KLRG2: variants seen among roughly 807,000 people sequenced by gnomAD.
KLRG2 encodes killer cell lectin-like receptor subfamily G member 2.
In KLRG2, 39 loss-of-function variants were observed where a neutral mutation model predicts 35.4. The ratio of observed to expected loss-of-function variants is 1.10; its 90% CI spans 0.85 to 1.44. KLRG2 has a LOEUF of 1.44. Among genes scored for constraint, KLRG2 ranks in the 40% most tolerant of loss-of-function variants. The pLI, the probability that KLRG2 is intolerant of heterozygous loss-of-function variation, is 0.00. For missense variants in KLRG2, 632 were observed against 570.9 expected (o/e 1.11, Z -1.09); for synonymous variants, 283 against 265.8 (o/e 1.06, Z -0.63).
downstream of KLRG2, among the ~76,000 whole-genome samples, chr7:139,450,334 CTG>C (rs1796357494): frequency 6.6e-6 from 1 of 152,152 alleles, no homozygotes; most frequent in Admixed American, 6.6e-5. Flanking sequence ...CGCCATTCTC[CTG>C]TCTCAGCCTC....
chr7:139,481,395 C>A (rs754534455), intron 1 of KLRG2, among the ~76,000 whole-genome samples: 2 of 152,254 alleles, frequency 1.3e-5, no homozygotes, highest in Non-Finnish European at 2.9e-5. Flanking sequence ...ACATCAAACT[C>A]TGCAAAAGTT....
intron 3 of KLRG2, among the ~76,000 whole-genome samples, chr7:139,461,744 C>T (rs76742656): frequency 2.6e-5 from 4 of 152,068 alleles, no homozygotes; most frequent in African/African-American, 9.7e-5. Flanking sequence ...AGCTGCCCCA[C>T]CCTTATCTCC....
the KLRG2 span, among the ~76,000 whole-genome samples, chr7:139,436,340 C>G: frequency 6.6e-6 from 1 of 151,948 alleles, no homozygotes; most frequent in East Asian, 1.9e-4. Flanking sequence ...TCTAGGGAAC[C>G]CCCCCCTTCA....
intron 3 of KLRG2, among the ~76,000 whole-genome samples, chr7:139,466,761 AG>A (rs1554404153): frequency 0.018 from 2,653 of 149,504 alleles, 83 homozygotes; most frequent in African/African-American, 0.061. Context: ...AAATAAAAAA[AG>A]GGGGGGGTAC....
chr7:139,463,224 A>G (rs1796597813), intron 3 of KLRG2, among the ~76,000 whole-genome samples: 1 of 152,200 alleles, frequency 6.6e-6, no homozygotes, highest in African/African-American at 2.4e-5. Flanking sequence ...GACGCTTTAC[A>G]GCCCTAGACC....
chr7:139,482,094 C>T (rs1230505109), intron 1 of KLRG2, among the ~76,000 whole-genome samples: 1 of 152,154 alleles, frequency 6.6e-6, no homozygotes, highest in Non-Finnish European at 1.5e-5. Flanking sequence ...AATAACCAGC[C>T]GCACATACTA....
At chr7:139,429,033 T>TA in the KLRG2 span, among the ~76,000 whole-genome samples, 2 of 152,206 alleles carry the variant, frequency 1.3e-5, no homozygotes, top group Admixed American at 6.5e-5. Flanking sequence ...ATAATCACTT[T>TA]AGGCCAGGCG....
intron 3 of KLRG2, among the ~76,000 whole-genome samples, chr7:139,464,186 G>A (rs1434209349): frequency 6.6e-6 from 1 of 151,982 alleles, no homozygotes; most frequent in Non-Finnish European, 1.5e-5. Flanking sequence ...ATCCACAAGG[G>A]TAGGACACCT....
chr7:139,450,408 A>T (rs1468704558), downstream of KLRG2, among the ~76,000 whole-genome samples: 1 of 151,862 alleles, frequency 6.6e-6, no homozygotes, highest in Non-Finnish European at 1.5e-5. Flanking sequence ...TATTTTCAGT[A>T]GAGATGGGGT....
the KLRG2 span, among the ~76,000 whole-genome samples, chr7:139,431,449 ACT>A: frequency 2.7e-5 from 4 of 150,548 alleles, no homozygotes; most frequent in African/African-American, 9.9e-5. Flanking sequence ...GGCAGTATGG[ACT>A]CTTTTAGGCA....
chr7:139,455,415 G>A lies in KLRG2; in HGVS notation c.1006-1201C>T, dbSNP rs368105435. The stretch of plus-strand genomic sequence containing the variant: ...CGGCTCACTGCAAGCTCTGTCTCCT[G>A]GGTTCACGCCATTCTCCTGCCTCAG... On this transcript the variant is annotated intron_variant, in intron 3 of 4. Transcript: ENST00000340940. Among the ~76,000 whole-genome samples, 89 of 149,486 alleles carry A rather than the reference G, an allele frequency of 6.0e-4. No individual in the cohort carries two copies. The East Asian group carries it at 0.015, about 25-fold the overall frequency.
Position 139,454,098 on chromosome 7 carries a change from CG to C in KLRG2, c.1109+12del. 1.4e-6 allele frequency: 2 copies of C among 1,448,112 alleles called. No individual in the cohort carries two copies. The highest frequency in any genetic ancestry group is 1.9e-6 in the Non-Finnish European group (2 of 1,054,298). The allele number at this position is 1,448,112 out of a possible 1,614,324, so 89.7% of individuals were successfully genotyped here. A position where few individuals can be genotyped will look rare whatever the true frequency, so the allele number is the denominator to read the frequency against. ...GAACAGCAGAGGAGGGAGAAAAGCC[CG>C]TGGTCACTCACAGCTGGGGCGGGAG... On this transcript the variant is annotated intron_variant, in intron 4 of 4. Coordinates refer to ENST00000340940, the MANE Select transcript of KLRG2 (RefSeq NM_198508.4).
downstream of KLRG2, among the ~76,000 whole-genome samples, chr7:139,449,359 C>T (rs993547638): frequency 6.6e-6 from 1 of 152,066 alleles, no homozygotes; most frequent in African/African-American, 2.4e-5. Context: ...AGAGATTGTG[C>T]CACTGCACTC....
At chr7:139,481,863 G>C (rs1237456938) in intron 1 of KLRG2, among the ~76,000 whole-genome samples, 1 of 151,930 alleles carries the variant, frequency 6.6e-6, no homozygotes. Flanking sequence ...GGAGGCGAAG[G>C]TTGCAGTGAG....
chr7:139,471,723 G>A (rs143924058), intron 3 of KLRG2, among the ~76,000 whole-genome samples: 36 of 152,260 alleles, frequency 2.4e-4, no homozygotes, highest in African/African-American at 7.2e-4. Flanking sequence ...GTTCTCAGGA[G>A]GGCTCCTCTT....
downstream of KLRG2, among the ~76,000 whole-genome samples, chr7:139,451,509 T>A (rs28733034): frequency 0.039 from 5,861 of 148,884 alleles, 168 homozygotes; most frequent in African/African-American, 0.089. Flanking sequence ...AAAAAAAAAT[T>A]TTTTTTTTTG....
intron 3 of KLRG2, among the ~76,000 whole-genome samples, chr7:139,455,914 G>A (rs1344104169): frequency 6.6e-6 from 1 of 152,026 alleles, no homozygotes; most frequent in African/African-American, 2.4e-5. Context: ...AAATAACAAG[G>A]TAAATTATAG....
chr7:139,450,725 C>T (rs763147953), downstream of KLRG2, among the ~76,000 whole-genome samples: 4 of 152,102 alleles, frequency 2.6e-5, no homozygotes, highest in Non-Finnish European at 5.9e-5. Flanking sequence ...CTGTTTTTAA[C>T]TCAGTAAGTA....
chr7:139,473,061 C>T (rs533821095), intron 3 of KLRG2, among the ~76,000 whole-genome samples: 1 of 152,160 alleles, frequency 6.6e-6, no homozygotes, highest in Non-Finnish European at 1.5e-5. Context: ...GTGGGTGGGT[C>T]GCTTGAGGCC....
Sources: allele counts gnomAD v4.1 joint callset (sites outside exome capture counted in the v4.1 genomes callset), GRCh38; gene constraint gnomAD v4.1.1; transcripts MANE v1.5; gene names NCBI Gene and HGNC (gene_info 2026-07-23, HGNC 2026-07-21).